Variants in ZNF599 observed in about 807,000 individuals in gnomAD.
The protein encoded by ZNF599 is zinc finger protein 599.
In ZNF599, 10 loss-of-function variants were observed where a neutral mutation model predicts 11.7. That is an observed-to-expected ratio of 0.86 (90% CI 0.53 to 1.45). ZNF599 has a LOEUF of 1.45. Ranked by LOEUF, ZNF599 falls within the 40% of genes most tolerant of loss-of-function variation. The pLI, the probability that ZNF599 is intolerant of heterozygous loss-of-function variation, is 0.00. For missense variants in ZNF599, 688 were observed against 713.6 expected (o/e 0.96, Z 0.41); for synonymous variants, 232 against 253.2 (o/e 0.92, Z 0.79).
At chr19:34,778,988 T>C in the ZNF599 span, among the ~76,000 whole-genome samples, 1 of 152,172 alleles carries the variant, frequency 6.6e-6, no homozygotes, top group Non-Finnish European at 1.5e-5. Context: ...GCACCTCCTA[T>C]TGGAATGGCA....
chr19:34,760,155 G>C lies in ZNF599; in HGVS notation c.646C>G (p.Arg216Gly). The change falls in exon 4 of 4, where the codon CGG becomes GGG. Residue 216 changes from arginine to glycine, a missense_variant. Arg to Gly is a moderately radical substitution (Grantham distance 125). Transcript: ENST00000329285. ...KGFSKKWALV[R>G]HQQIHAGVKP... ...ACTCCAGCATGAATCTGTTGATGCCGAACAAGGGCCCACTTCTTGCTAAAC... is the reference window on the plus strand; with the variant it reads ...ACTCCAGCATGAATCTGTTGATGCCCAACAAGGGCCCACTTCTTGCTAAAC... 1 of 1,614,096 alleles carries C rather than the reference G, an allele frequency of 6.2e-7. No homozygotes were observed. The highest frequency in any genetic ancestry group is 8.5e-7 in the Non-Finnish European group (1 of 1,180,012).
chr19:34,767,896 G>A (rs761364966), intron 2 of ZNF599, among the ~76,000 whole-genome samples: 5 of 152,202 alleles, frequency 3.3e-5, no homozygotes, highest in Non-Finnish European at 7.3e-5. Context: ...CACTGACCAA[G>A]CCAGGAGTCA....
upstream of ZNF599, among the ~76,000 whole-genome samples, chr19:34,775,099 T>G (rs991965459): frequency 2.0e-5 from 3 of 152,154 alleles, no homozygotes; most frequent in African/African-American, 7.2e-5. Context: ...CACCAGAAAT[T>G]GAGCAGATGC....
chr19:34,759,050 A>G lies in ZNF599; in HGVS notation c.1751T>C (p.Ile584Thr), dbSNP rs761984526. 13 of 1,610,642 alleles carry G rather than the reference A, an allele frequency of 8.1e-6. No homozygotes were observed. Among genetic ancestry groups the G allele is most frequent in the Non-Finnish European group, 1.1e-5 (13 of 1,177,590 alleles). ...HSSSFTHHRK[I>T]HTRV Reference sequence around the variant, plus strand: ...CTGTATCTTTTAAACTCTGGTATGAATCTTTCGATGGTGAGTGAACGATGA... The same window carrying G: ...CTGTATCTTTTAAACTCTGGTATGAGTCTTTCGATGGTGAGTGAACGATGA... The change falls in exon 4 of 4, where the codon ATT (isoleucine) becomes ACT (threonine). Residue 584 changes from isoleucine (I) to threonine (T), a missense_variant. Physicochemically the swap from Ile to Thr is moderately conservative, Grantham distance 89 (BLOSUM62 -1). Transcript: ENST00000329285.
At chr19:34,784,320 T>C in the ZNF599 span, among the ~76,000 whole-genome samples, 2 of 152,216 alleles carry the variant, frequency 1.3e-5, no homozygotes, top group Non-Finnish European at 2.9e-5. Context: ...TTTATAAGTA[T>C]ACCAGTCATA....
chr19:34,779,439 T>C, the ZNF599 span: 1 of 455,906 alleles, frequency 2.2e-6, no homozygotes, highest in African/African-American at 2.0e-5. Flanking sequence ...ATGAAAACTT[T>C]CATCAGAGTG....
the ZNF599 span, among the ~76,000 whole-genome samples, chr19:34,796,062 C>T: frequency 1.3e-5 from 2 of 152,114 alleles, no homozygotes; most frequent in African/African-American, 2.4e-5. Flanking sequence ...CTCAGGTGAT[C>T]CGCCCGCCTC....
the ZNF599 span, among the ~76,000 whole-genome samples, chr19:34,778,976 T>C: frequency 6.6e-6 from 1 of 152,246 alleles, no homozygotes. Context: ...AGATACTACT[T>C]GGCACCTCCT....
upstream of ZNF599, among the ~76,000 whole-genome samples, chr19:34,775,027 C>T (rs902118035): frequency 6.6e-6 from 1 of 152,182 alleles, no homozygotes; most frequent in Non-Finnish European, 1.5e-5. Context: ...CTCCTGCTCT[C>T]ACCATGTGCT....
At chr19:34,797,843 A>G in the ZNF599 span, among the ~76,000 whole-genome samples, 5 of 152,228 alleles carry the variant, frequency 3.3e-5, no homozygotes, top group Admixed American at 2.6e-4. Flanking sequence ...GTTAGACCAC[A>G]AAATCTCAGA....
upstream of ZNF599, among the ~76,000 whole-genome samples, chr19:34,777,483 A>G (rs1165180146): frequency 1.9e-5 from 2 of 106,008 alleles, no homozygotes; most frequent in Non-Finnish European, 3.5e-5. Context: ...TAATTAATAT[A>G]TAATATATGA....
chr19:34,774,777 T>C (rs1356099608), upstream of ZNF599, among the ~76,000 whole-genome samples: 2 of 152,204 alleles, frequency 1.3e-5, no homozygotes, highest in African/African-American at 4.8e-5. Context: ...ATGCAGTCTC[T>C]GACCTCATCT....
At chr19:34,778,884 G>A in the ZNF599 span, among the ~76,000 whole-genome samples, 34 of 152,148 alleles carry the variant, frequency 2.2e-4, no homozygotes, top group South Asian at 6.0e-3. Flanking sequence ...AATATGAATG[G>A]ATATCTCACA....
chr19:34,766,508 C>A (rs191676653), intron 3 of ZNF599, among the ~76,000 whole-genome samples: 241 of 152,336 alleles, frequency 1.6e-3, no homozygotes, highest in African/African-American at 5.5e-3. Context: ...TGAGCTATCA[C>A]TATTCCTTAT....
intron 3 of ZNF599, chr19:34,766,908 G>T (rs1161375934): frequency 6.0e-6 from 1 of 166,842 alleles, no homozygotes; most frequent in African/African-American, 2.4e-5. Context: ...AGGGTACACA[G>T]CTTTCCTGCT....
the ZNF599 span, among the ~76,000 whole-genome samples, chr19:34,786,435 T>C: frequency 1.3e-5 from 2 of 151,812 alleles, no homozygotes; most frequent in Non-Finnish European, 2.9e-5. Flanking sequence ...AAGTCTGCCT[T>C]ACTATTCTTT....
At chr19:34,807,348 G>A in the ZNF599 span, among the ~76,000 whole-genome samples, 1 of 152,182 alleles carries the variant, frequency 6.6e-6, no homozygotes, top group Non-Finnish European at 1.5e-5. Flanking sequence ...GAGCCTGTGG[G>A]TGAATGGCTC....
chr19:34,758,927 C>T lies in ZNF599; in HGVS notation c.*107G>A. ...TAAATTATCAGATACTAAGACATCT[C>T]TCTGGCCAAAATATTTCCCTCAATA... On this transcript the variant is annotated 3_prime_UTR_variant, in exon 4 of 4. Coordinates refer to ENST00000329285, the MANE Select transcript of ZNF599 (RefSeq NM_001007248.3). The T allele has an allele frequency of 8.1e-7, 1 of 1,227,208 alleles. No homozygotes were observed. The highest frequency in any genetic ancestry group is 1.1e-6 in the Non-Finnish European group (1 of 877,424). The allele number at this position is 1,227,208 out of a possible 1,614,324, so 76.0% of individuals were successfully genotyped here.
At chr19:34,802,797 C>T in the ZNF599 span, among the ~76,000 whole-genome samples, 1 of 152,118 alleles carries the variant, frequency 6.6e-6, no homozygotes, top group South Asian at 2.1e-4. Context: ...CCCTCTGAGC[C>T]GCATGTCCCC....
Sources: gnomAD v4.1 joint callset for allele counts (sites outside exome capture counted in the v4.1 genomes callset) on GRCh38, gnomAD v4.1.1 for gene constraint, MANE v1.5 for transcripts, NCBI Gene and HGNC (gene_info 2026-07-23, HGNC 2026-07-21) for gene names.